MOB3A: variants seen among roughly 807,000 people sequenced by gnomAD.
The protein encoded by MOB3A is MOB LAK.
A neutral mutation model predicts 17.8 loss-of-function variants in MOB3A; 17 were observed. The ratio of observed to expected loss-of-function variants is 0.95; its 90% CI spans 0.65 to 1.43. MOB3A has a LOEUF of 1.43. Ranked by LOEUF, MOB3A falls within the 40% of genes most tolerant of loss-of-function variation. The pLI is 0.00. For synonymous variants in MOB3A, 124 were observed against 133.2 expected (o/e 0.93, Z 0.48); for missense variants, 333 against 310.8 (o/e 1.07, Z -0.54).
intron 4 of MOB3A, among the ~76,000 whole-genome samples, chr19:2,075,322 G>A (rs1440540447): frequency 2.6e-5 from 4 of 152,004 alleles, no homozygotes; most frequent in Non-Finnish European, 5.9e-5. Flanking sequence ...GAGCCACCTC[G>A]TCCGTCCATT....
chr19:2,077,388 T>C (rs1193699201), intron 3 of MOB3A, among the ~76,000 whole-genome samples: 1 of 149,392 alleles, frequency 6.7e-6, no homozygotes, highest in Non-Finnish European at 1.5e-5. Flanking sequence ...GGTGACAGAG[T>C]GAGACACTGT....
Position 2,078,578 on chromosome 19 carries a change from T to C in MOB3A, c.-18A>G. The C allele has an allele frequency of 6.5e-7, 1 of 1,548,952 alleles. No homozygotes were observed. Among genetic ancestry groups the C allele is most frequent in the Non-Finnish European group, 8.7e-7 (1 of 1,144,290 alleles). On this transcript the variant is annotated 5_prime_UTR_variant, in exon 3 of 5. Transcript: ENST00000357066. ...TTGGACATCTTGGTGACGCCTGCTC[T>C]CCTGGACTTCTGTAGAGGGGTCCTG...
chr19:2,076,079 C>T (rs2017401545), intron 4 of MOB3A, among the ~76,000 whole-genome samples: 1 of 142,064 alleles, frequency 7.0e-6, no homozygotes, highest in African/African-American at 2.6e-5. Flanking sequence ...GCCAAGATGG[C>T]GCCACTGCAC....
rs111384574 is a variant in MOB3A, at chr19:2,071,901, C to G, written c.*1494G>C. 6.6e-6 allele frequency: 1 copy of G among 152,260 alleles called. No individual in the cohort carries two copies. Among genetic ancestry groups the G allele is most frequent in the Non-Finnish European group, 1.5e-5 (1 of 68,180 alleles). The allele number at this position is 152,260 out of a possible 1,614,324, so 9.4% of individuals were successfully genotyped here. A position where few individuals can be genotyped will look rare whatever the true frequency, so the allele number is the denominator to read the frequency against. On this transcript the variant is annotated 3_prime_UTR_variant, in exon 5 of 5. Coordinates refer to ENST00000357066, the MANE Select transcript of MOB3A (RefSeq NM_130807.3). The stretch of plus-strand genomic sequence containing the variant: ...TGTTATCGATAAAAAAATTCTTGGC[C>G]GGGCACAGTGGCTCACGCCTGTAAT...
At chr19:2,076,736 G>T in intron 4 of MOB3A, 75 bp downstream of exon 4, 1 of 1,485,026 alleles carries the variant, frequency 6.7e-7, no homozygotes. Flanking sequence ...CAGGGTCCTG[G>T]CCCCGGAAGG....
intron 2 of MOB3A, among the ~76,000 whole-genome samples, chr19:2,081,315 T>G (rs140563302): frequency 6.6e-6 from 1 of 151,982 alleles, no homozygotes; most frequent in East Asian, 1.9e-4. Context: ...AGGCCGGGCG[T>G]GGTGGCTCAC....
At chr19:2,088,372 C>T (rs1274343977) in intron 1 of MOB3A, among the ~76,000 whole-genome samples, 2 of 152,142 alleles carry the variant, frequency 1.3e-5, no homozygotes, top group Non-Finnish European at 2.9e-5. Flanking sequence ...GGCACAATCA[C>T]AGCCCACTCC....
Position 2,078,305 on chromosome 19 carries a change from G to C in MOB3A, c.256C>G (p.Gln86Glu), listed in dbSNP as rs2017440630. ...YGTISDGCTE[Q>E]SCPVMSGGPK... ...CCCCCCGACATGACGGGGCAGGACT[G>C]CTCCGTGCAGCCGTCGCTGATGGTG... Residue 86 changes from glutamine to glutamate, a missense_variant, in exon 3 of 5, where the codon CAG (glutamine) becomes GAG (glutamate). Gln to Glu is a conservative substitution (Grantham distance 29). Coordinates refer to ENST00000357066, the MANE Select transcript of MOB3A (RefSeq NM_130807.3). The C allele has an allele frequency of 6.2e-7, 1 of 1,614,076 alleles. No individual in the cohort carries two copies. Among genetic ancestry groups the C allele is most frequent in the Admixed American group, 1.7e-5 (1 of 59,994 alleles).
intron 2 of MOB3A, among the ~76,000 whole-genome samples, chr19:2,084,766 CT>C (rs2017531938): frequency 6.6e-6 from 1 of 151,862 alleles, no homozygotes; most frequent in Non-Finnish European, 1.5e-5. Context: ...AATTTTTGTA[CT>C]TTTAGTAGAG....
intron 4 of MOB3A, among the ~76,000 whole-genome samples, chr19:2,074,842 C>T (rs941002995): frequency 1.2e-4 from 18 of 151,832 alleles, no homozygotes; most frequent in Non-Finnish European, 1.5e-4. Context: ...CTCAGCCTCC[C>T]GAGTAGCTGG....
chr19:2,079,353 G>A (rs74980779), intron 2 of MOB3A, among the ~76,000 whole-genome samples: 1,673 of 152,352 alleles, frequency 0.011, 28 homozygotes, highest in African/African-American at 0.038. Context: ...AAGCCACACC[G>A]CAATGCCCGC....
chr19:2,095,905 C>A (rs2017682887), intron 1 of MOB3A, among the ~76,000 whole-genome samples: 1 of 152,056 alleles, frequency 6.6e-6, no homozygotes, highest in Non-Finnish European at 1.5e-5. Context: ...CCACCTCGTC[C>A]GGCTAATTTT....
rs1006436914 is a variant in MOB3A, at chr19:2,073,313, C to G, written c.*82G>C. The G allele has an allele frequency of 6.4e-7, 1 of 1,551,252 alleles. No individual in the cohort carries two copies. Among genetic ancestry groups the G allele is most frequent in the Non-Finnish European group, 8.9e-7 (1 of 1,128,922 alleles). On this transcript the variant is annotated 3_prime_UTR_variant, in exon 5 of 5. Coordinates refer to ENST00000357066, the MANE Select transcript of MOB3A (RefSeq NM_130807.3). ...CTGAGATGCTCAGGCCGGAGAGAAGCGGGATGATGGTTCCAGAGCGTCCTC... is the reference window on the plus strand; with the variant it reads ...CTGAGATGCTCAGGCCGGAGAGAAGGGGGATGATGGTTCCAGAGCGTCCTC...
chr19:2,084,385 T>G (rs973731232), intron 2 of MOB3A, among the ~76,000 whole-genome samples: 3 of 150,992 alleles, frequency 2.0e-5, no homozygotes, highest in African/African-American at 4.9e-5. Flanking sequence ...TCCCAGCTAC[T>G]CAGGAGGCTG....
chr19:2,086,681 C>T (rs2017557753), intron 1 of MOB3A, among the ~76,000 whole-genome samples: 1 of 152,114 alleles, frequency 6.6e-6, no homozygotes, highest in East Asian at 1.9e-4. Context: ...TTAAACGTTA[C>T]AACTGCTCCT....
At chr19:2,076,535 G>A (rs149253212) in intron 4 of MOB3A, among the ~76,000 whole-genome samples, 1 of 152,352 alleles carries the variant, frequency 6.6e-6, no homozygotes, top group African/African-American at 2.4e-5. Context: ...TGGGACACCT[G>A]AGCTCAGGAC....
Position 2,077,919 on chromosome 19 carries a change from G to A in MOB3A, c.421+221C>T, listed in dbSNP as rs570734051. Among the ~76,000 whole-genome samples the A allele has an allele frequency of 9.9e-5, 15 of 151,990 alleles. 1 individual carries two copies. The East Asian group carries it at 2.9e-3, about 29-fold the overall frequency. ...CCACCTTAGCCTCCCGAGTAGCTGC[G>A]ACCAAAGGCGTGTGCCACCATGCCT... On this transcript the variant is annotated intron_variant, in intron 3 of 4. Coordinates refer to ENST00000357066, the MANE Select transcript of MOB3A (RefSeq NM_130807.3).
At chr19:2,079,922 C>T (rs2017464944) in intron 2 of MOB3A, among the ~76,000 whole-genome samples, 1 of 152,240 alleles carries the variant, frequency 6.6e-6, no homozygotes. Flanking sequence ...ACGGGTTGCT[C>T]TGGGGTGGGG....
In MOB3A at chr19:2,076,977, C is replaced by T. The variant is rs998560047; in HGVS notation, c.458G>A (p.Arg153Gln). The T allele has an allele frequency of 4.9e-5, 79 of 1,613,648 alleles. No homozygotes were observed. Among genetic ancestry groups the T allele is most frequent in the Non-Finnish European group, 6.3e-5 (74 of 1,179,994 alleles). The change falls in exon 4 of 5, where the codon CGG (arginine) becomes CAG (glutamine). Residue 153 changes from arginine to glutamine, a missense_variant. Physicochemically the swap from Arg to Gln is conservative, Grantham distance 43. Transcript: ENST00000357066. ...PFPKNFLQTV[R>Q]KILSRLFRVF... Reference sequence around the variant, plus strand: ...GCGGAACAGCCGCGACAGGATCTTCCGCACCGTCTGCAGGAAGTTCTTGGG... The same window carrying T: ...GCGGAACAGCCGCGACAGGATCTTCTGCACCGTCTGCAGGAAGTTCTTGGG...
Sources: allele counts gnomAD v4.1 joint callset (sites outside exome capture counted in the v4.1 genomes callset), GRCh38; gene constraint gnomAD v4.1.1; transcripts MANE v1.5; gene names NCBI Gene and HGNC (gene_info 2026-07-23, HGNC 2026-07-21).